EBF2: variants seen among roughly 807,000 people sequenced by gnomAD.
The protein encoded by EBF2 is EBF transcription factor 2, also known as transcription factor COE2.
In EBF2, 21 loss-of-function variants were observed where a neutral mutation model predicts 72.8. The observed-to-expected ratio is 0.29, with a 90% CI of 0.20 to 0.42. The LOEUF (loss-of-function observed/expected upper bound fraction) is 0.42. Among genes scored for constraint, EBF2 ranks in the 10% least tolerant of loss-of-function variants. The pLI is 1.00. For missense variants in EBF2, 637 were observed against 731.2 expected (o/e 0.87, Z 1.49); for synonymous variants, 299 against 274.2 (o/e 1.09, Z -0.89).
intron 10 of EBF2, among the ~76,000 whole-genome samples, chr8:25,883,182 G>C (rs1407400031): frequency 1.3e-5 from 2 of 152,106 alleles, no homozygotes; most frequent in Non-Finnish European, 2.9e-5. Context: ...ATTTTCACAG[G>C]TGTATAGGCT....
chr8:26,002,481 G>T (rs1161929077), intron 6 of EBF2, among the ~76,000 whole-genome samples: 1 of 152,344 alleles, frequency 6.6e-6, no homozygotes, highest in Non-Finnish European at 1.5e-5. Context: ...TGTAAATTAT[G>T]ACAGCGCCAG....
intron 6 of EBF2, among the ~76,000 whole-genome samples, chr8:25,971,706 A>C (rs1427960821): frequency 6.6e-6 from 1 of 152,268 alleles, no homozygotes; most frequent in African/African-American, 2.4e-5. Context: ...TTACTGGCTA[A>C]GTATAATGAT....
chr8:25,889,949 G>A, intron 7 of EBF2, 80 bp from the exon 8 acceptor site: 1 of 1,220,214 alleles, frequency 8.2e-7, no homozygotes. Flanking sequence ...CCAAAATTCT[G>A]TTTTGCCACA....
intron 6 of EBF2, among the ~76,000 whole-genome samples, chr8:25,988,011 C>A (rs1804489067): frequency 6.6e-6 from 1 of 152,188 alleles, no homozygotes; most frequent in African/African-American, 2.4e-5. Flanking sequence ...ATTCCAAGGA[C>A]AGCTTAGTGG....
Position 26,040,952 on chromosome 8 carries a change from G to C in EBF2, c.339C>G (p.Leu113=), listed in dbSNP as rs775453200. ...AGAAGAGCTCACCGTTGCTGTAGAG[G>C]AGCTGTAACTTGTAGTGAGTGCCGT... ...TNNGTHYKLQ[L]LYSNGVRTEQ... is the part of the protein sequence containing the mutation. The change falls in exon 3 of 16, where the codon CTC becomes CTG. Residue 113 remains leucine, a synonymous_variant. Transcript: ENST00000520164. 2 of 1,614,240 alleles carry C rather than the reference G, an allele frequency of 1.2e-6. No homozygotes were observed. The highest frequency in any genetic ancestry group is 1.7e-6 in the Non-Finnish European group (2 of 1,180,042).
chr8:25,995,972 T>G (rs1029697816), intron 6 of EBF2, among the ~76,000 whole-genome samples: 2 of 152,076 alleles, frequency 1.3e-5, no homozygotes, highest in African/African-American at 2.4e-5. Context: ...TCCTCCTTGC[T>G]GTTTGGCAAA....
At position 26,040,525 on chromosome 8, in the gene EBF2, C is replaced by T. The variant is rs186424115; in HGVS notation, c.408+91G>A. On this transcript the variant is annotated intron_variant, in intron 4 of 15. Transcript: ENST00000520164. Reference sequence around the variant, plus strand: ...GGCTGTGGAGTCTGACCCAGGAAATCGTGGAGGAGGGGCAGGTCAGAAACA... The same window carrying T: ...GGCTGTGGAGTCTGACCCAGGAAATTGTGGAGGAGGGGCAGGTCAGAAACA... 551 of 1,225,178 alleles carry T rather than the reference C, an allele frequency of 4.5e-4. 4 individuals are homozygous for T. In the African/African-American group the frequency reaches 7.6e-3, roughly 17 times the overall value. The allele number at this position is 1,225,178 out of a possible 1,614,324, so 75.9% of individuals were successfully genotyped here. A position where few individuals can be genotyped will look rare whatever the true frequency, so the allele number is the denominator to read the frequency against.
Position 25,858,524 on chromosome 8 carries a change from C to G in EBF2, c.1343-20G>C. 1 of 1,608,838 alleles carries G rather than the reference C, an allele frequency of 6.2e-7. No homozygotes were observed. Among genetic ancestry groups the G allele is most frequent in the Non-Finnish European group, 8.5e-7 (1 of 1,177,932 alleles). ...TGTACCCTTGGCAACAAAGAAAAAG[C>G]CCAGGTAAATCAACAGGCGTGCACA... is the stretch of plus-strand genomic sequence containing the variant. On this transcript the variant is annotated intron_variant, in intron 13 of 15. Transcript: ENST00000520164.
intron 6 of EBF2, among the ~76,000 whole-genome samples, chr8:25,950,541 G>A (rs559527838): frequency 1.1e-4 from 16 of 152,316 alleles, no homozygotes; most frequent in African/African-American, 3.4e-4. Flanking sequence ...TCATCCAGTC[G>A]CATCAAAGAG....
intron 7 of EBF2, among the ~76,000 whole-genome samples, chr8:25,891,013 G>C (rs562584492): frequency 6.6e-6 from 1 of 152,342 alleles, no homozygotes; most frequent in South Asian, 2.1e-4. Flanking sequence ...CTCACACACA[G>C]AGGTTCTCCC....
chr8:25,912,537 G>T (rs1803147074), intron 6 of EBF2, among the ~76,000 whole-genome samples: 1 of 147,556 alleles, frequency 6.8e-6, no homozygotes, highest in South Asian at 2.1e-4. Context: ...AAAAGTGAAA[G>T]ATTCTTGCTT....
At chr8:25,925,960 G>A (rs1038347831) in intron 6 of EBF2, among the ~76,000 whole-genome samples, 18 of 152,252 alleles carry the variant, frequency 1.2e-4, no homozygotes, top group African/African-American at 4.3e-4. Context: ...GCTGAAGTGC[G>A]ACTGATATGT....
At chr8:25,975,468 C>G (rs1202197205) in intron 6 of EBF2, among the ~76,000 whole-genome samples, 2 of 152,058 alleles carry the variant, frequency 1.3e-5, no homozygotes, top group Non-Finnish European at 2.9e-5. Context: ...TTAAATAGTG[C>G]GACAGGATTA....
chr8:25,950,946 CCTT>C (rs1227206651), intron 6 of EBF2, among the ~76,000 whole-genome samples: 3 of 152,104 alleles, frequency 2.0e-5, no homozygotes, highest in Non-Finnish European at 2.9e-5. Flanking sequence ...TTCTCCTCCT[CCTT>C]TTTCATGAGC....
At chr8:25,929,279 G>T (rs1021007275) in intron 6 of EBF2, among the ~76,000 whole-genome samples, 2 of 152,214 alleles carry the variant, frequency 1.3e-5, no homozygotes, top group African/African-American at 4.8e-5. Context: ...GTGGAGACGG[G>T]ATGTGAACAG....
chr8:25,974,250 A>G (rs1018141676), intron 6 of EBF2, among the ~76,000 whole-genome samples: 1 of 152,208 alleles, frequency 6.6e-6, no homozygotes, highest in Non-Finnish European at 1.5e-5. Context: ...TCCAGGACCC[A>G]AGACTCCTCA....
intron 6 of EBF2, among the ~76,000 whole-genome samples, chr8:25,998,050 A>C (rs1804665734): frequency 6.6e-6 from 1 of 152,232 alleles, no homozygotes; most frequent in Admixed American, 6.5e-5. Flanking sequence ...TTTGGCAAAC[A>C]AAATAGACTA....
At chr8:25,911,618 A>C (rs535297446) in intron 6 of EBF2, among the ~76,000 whole-genome samples, 2 of 152,354 alleles carry the variant, frequency 1.3e-5, no homozygotes, top group East Asian at 3.9e-4. Flanking sequence ...CTCTTAACGA[A>C]GGAGTTGAAT....
chr8:26,005,561 T>TATAGAGAGAGAGAGAGAGAGAG (rs375386709), intron 6 of EBF2, among the ~76,000 whole-genome samples: 1 of 63,884 alleles, frequency 1.6e-5, no homozygotes, highest in Non-Finnish European at 2.6e-5. Context: ...TATATATATA[T>TATAGAGAGAGAGAGAGAGAGAG]AGAGAGAGAG....
Sources: allele counts gnomAD v4.1 joint callset (sites outside exome capture counted in the v4.1 genomes callset), GRCh38; gene constraint gnomAD v4.1.1; transcripts MANE v1.5; gene names NCBI Gene and HGNC (gene_info 2026-07-23, HGNC 2026-07-21).